SULT6B1: variants seen among roughly 807,000 people sequenced by gnomAD.
SULT6B1 encodes the protein sulfotransferase 6B1.
A neutral mutation model predicts 37.2 loss-of-function variants in SULT6B1; 44 were observed. The observed-to-expected ratio is 1.18, with a 90% confidence interval of 0.93 to 1.52. SULT6B1 has a LOEUF of 1.52. SULT6B1 is among the 40% of genes most tolerant of loss of function. The pLI, the probability that SULT6B1 is intolerant of heterozygous loss-of-function variation, is 0.00. For synonymous variants in SULT6B1, 140 were observed against 126.0 expected (o/e 1.11, Z -0.74); for missense variants, 450 against 361.0 (o/e 1.25, Z -2.00).
At chr2:37,180,867 G>C (rs6747446) in intron 3 of SULT6B1, among the ~76,000 whole-genome samples, 45,090 of 152,042 alleles carry the variant, frequency 0.3, 7,742 homozygotes, top group East Asian at 0.78. Context: ...CTGGGCAGCA[G>C]AGCAAGACTC....
At chr2:37,190,726 T>G (rs1368567060), upstream of SULT6B1, among the ~76,000 whole-genome samples, 1 of 152,090 alleles carries the variant, frequency 6.6e-6, no homozygotes, top group African/African-American at 2.4e-5. Flanking sequence ...AAGGGGGAAA[T>G]GTATGGGAGA....
chr2:37,175,242 G>A lies in SULT6B1; in HGVS notation c.530-16C>T, dbSNP rs548732094. 23 of 1,459,714 alleles carry A rather than the reference G, an allele frequency of 1.6e-5. No homozygotes were observed. The highest frequency in any genetic ancestry group is 5.2e-5 in the South Asian group (4 of 76,570). 90.4% of individuals were successfully genotyped at this position (1,459,714 alleles called of 1,614,324 possible). ...CCCCAAGAAACTAAAAACACAGGGG[G>A]GAAGACTTTAAGAAATGTCAAATAA... is the stretch of plus-strand genomic sequence containing the variant. On this transcript the variant is annotated splice_polypyrimidine_tract_variant and intron_variant, in intron 4 of 6. Transcript: ENST00000535679.
chr2:37,188,440 A>G lies in SULT6B1; in HGVS notation c.199+2T>C, dbSNP rs770450367. On this transcript the variant is annotated splice_donor_variant, in intron 1 of 6. Transcript: ENST00000535679. LOFTEE classifies it high-confidence loss of function. ...ACTTGTAGGAAACGACTTGTCATTT[A>G]CCGCACTTTGGATAAGATGCTAGCA... is the stretch of plus-strand genomic sequence containing the variant. 1 of 1,612,436 alleles carries G rather than the reference A, an allele frequency of 6.2e-7. No individual in the cohort carries two copies. Among genetic ancestry groups the G allele is most frequent in the South Asian group, 1.1e-5 (1 of 90,860 alleles).
At chr2:37,172,500 C>T (rs1055154277) in intron 5 of SULT6B1, among the ~76,000 whole-genome samples, 1 of 151,994 alleles carries the variant, frequency 6.6e-6, no homozygotes, top group Non-Finnish European at 1.5e-5. Context: ...CAGAAAGGGT[C>T]GATTAAATCT....
chr2:37,186,756 T>C (rs531449833), intron 2 of SULT6B1, among the ~76,000 whole-genome samples: 23 of 151,758 alleles, frequency 1.5e-4, no homozygotes, highest in Non-Finnish European at 2.8e-4. Context: ...ATTAACCAGG[T>C]GTACTGGCAC....
intron 3 of SULT6B1, among the ~76,000 whole-genome samples, chr2:37,179,976 A>G (rs1192812321): frequency 1.3e-5 from 2 of 152,246 alleles, no homozygotes; most frequent in Non-Finnish European, 2.9e-5. Flanking sequence ...TGGTAGGAGA[A>G]GATTAAAGAA....
At chr2:37,187,028 A>C (rs1676688946) in intron 2 of SULT6B1, among the ~76,000 whole-genome samples, 1 of 152,204 alleles carries the variant, frequency 6.6e-6, no homozygotes, top group South Asian at 2.1e-4. Context: ...CCTACTTAAA[A>C]TAAAAAGAAC....
chr2:37,187,971 G>A (rs190424033), intron 1 of SULT6B1, among the ~76,000 whole-genome samples: 14 of 152,284 alleles, frequency 9.2e-5, no homozygotes, highest in Admixed American at 4.6e-4. Flanking sequence ...CTTATTTTCC[G>A]TTGATGAAGG....
chr2:37,179,560 T>C lies in SULT6B1; in HGVS notation c.427A>G (p.Lys143Glu), dbSNP rs772405370. 7 of 1,612,814 alleles carry C rather than the reference T, an allele frequency of 4.3e-6. No individual in the cohort carries two copies. The highest frequency in any genetic ancestry group is 4.5e-5 in the East Asian group (2 of 44,856). ...TGCAAAAAAGATACTGCTGTATCTT[T>C]AGGGTTTCGAAATATCACCAATATC... ...AKILVIFRNP[K>E]DTAVSFLHFH... is the part of the protein sequence containing the mutation. The change falls in exon 4 of 7, where the codon AAA (lysine) becomes GAA (glutamate). Residue 143 changes from lysine to glutamate, a missense_variant. Coordinates refer to ENST00000535679, the MANE Select transcript of SULT6B1 (RefSeq NM_001367551.1).
intron 3 of SULT6B1, among the ~76,000 whole-genome samples, chr2:37,179,843 G>A (rs1420822348): frequency 1.3e-5 from 2 of 152,142 alleles, no homozygotes; most frequent in Admixed American, 1.3e-4. Flanking sequence ...ATGCACAGAA[G>A]ATGTAAAAAG....
Position 37,171,605 on chromosome 2 carries a change from T to C in SULT6B1, c.625-15A>G, listed in dbSNP as rs776360338. ...GCAGCCAGATTCTGTAAAAAAATTTTCTTAAAGATAAATTTCTTCCTATGG... is the reference window on the plus strand; with the variant it reads ...GCAGCCAGATTCTGTAAAAAAATTTCCTTAAAGATAAATTTCTTCCTATGG... On this transcript the variant is annotated splice_polypyrimidine_tract_variant and intron_variant, in intron 5 of 6. Transcript: ENST00000535679. 1.2e-6 allele frequency: 2 copies of C among 1,608,954 alleles called. No homozygotes were observed. Among genetic ancestry groups the C allele is most frequent in the South Asian group, 1.1e-5 (1 of 90,232 alleles).
At chr2:37,175,914 T>C (rs1676416364) in intron 4 of SULT6B1, among the ~76,000 whole-genome samples, 1 of 152,256 alleles carries the variant, frequency 6.6e-6, no homozygotes, top group African/African-American at 2.4e-5. Flanking sequence ...CGCAACTTAT[T>C]ACACTTACTT....
At chr2:37,183,617 C>A in intron 2 of SULT6B1, 103 bp from the exon 3 acceptor site, 2 of 785,920 alleles carry the variant, frequency 2.5e-6, no homozygotes, top group Admixed American at 2.3e-5. Context: ...GTTTCTAGCA[C>A]TACTGTCACT....
At position 37,179,210 on chromosome 2, in the gene SULT6B1, G is replaced by A. The variant is rs184827637; in HGVS notation, c.529+248C>T. Among the ~76,000 whole-genome samples, 382 of 152,198 alleles carry A rather than the reference G, an allele frequency of 2.5e-3. 2 individuals carry two copies. The highest frequency in any genetic ancestry group is 4.6e-3 in the South Asian group (22 of 4,822). On this transcript the variant is annotated intron_variant, in intron 4 of 6. Transcript: ENST00000535679. ...CCTGACCTTGTGATCTGCCCGCCTC[G>A]GCCTCCCAAAGTGCTGGGATTACAG...
chr2:37,179,998 A>G (rs1258231142), intron 3 of SULT6B1, among the ~76,000 whole-genome samples: 2 of 152,198 alleles, frequency 1.3e-5, no homozygotes, highest in Non-Finnish European at 2.9e-5. Flanking sequence ...GGCAAAGCCC[A>G]CTCTCTGGGT....
chr2:37,187,290 T>C, intron 2 of SULT6B1, 65 bp downstream of exon 2: 2 of 1,122,282 alleles, frequency 1.8e-6, no homozygotes, highest in Non-Finnish European at 2.7e-6. Context: ...AACTAAAGAA[T>C]CTCCAAACCG....
At chr2:37,169,457 T>G (rs1023426747) in intron 6 of SULT6B1, among the ~76,000 whole-genome samples, 1 of 151,942 alleles carries the variant, frequency 6.6e-6, no homozygotes, top group African/African-American at 2.4e-5. Flanking sequence ...CTTCAGTGGG[T>G]TTTTTGGTTT....
Position 37,187,397 on chromosome 2 carries a change from T to C in SULT6B1, c.270A>G (p.Pro90=). 2 of 1,609,312 alleles carry C rather than the reference T, an allele frequency of 1.2e-6. No individual in the cohort carries two copies. Among genetic ancestry groups the C allele is most frequent in the Non-Finnish European group, 1.7e-6 (2 of 1,176,514 alleles). The change falls in exon 2 of 7, where the codon CCA becomes CCG. Residue 90 remains proline (P), a synonymous_variant. Transcript: ENST00000535679. ...YAVSKKKYKY[P]EFPVLECGDS... ...CCCCACATTCAAGAACTGGGAATTC[T>C]GGATATTTATACTTTTTTTTAGAAA...
intron 4 of SULT6B1, among the ~76,000 whole-genome samples, chr2:37,176,029 C>T (rs1477535702): frequency 4.6e-5 from 7 of 152,074 alleles, no homozygotes; most frequent in Non-Finnish European, 2.9e-5. Flanking sequence ...CCATTCAAGT[C>T]CCATTTCAAG....
Sources: allele counts gnomAD v4.1 joint callset (sites outside exome capture counted in the v4.1 genomes callset), GRCh38; gene constraint gnomAD v4.1.1; transcripts MANE v1.5; gene names NCBI Gene and HGNC (gene_info 2026-07-23, HGNC 2026-07-21).